Variants in HELZ observed in about 807,000 individuals in gnomAD.
HELZ encodes helicase with zinc finger.
HELZ carries 23 observed loss-of-function variants against 218.2 expected under a neutral mutation model. The ratio of observed to expected loss-of-function variants is 0.11; its 90% CI spans 0.08 to 0.15. The LOEUF (loss-of-function observed/expected upper bound fraction) is 0.15, where lower values mean the gene tolerates loss of function less well. HELZ is among the 10% of genes least tolerant of loss of function. The pLI is 1.00. For missense variants in HELZ, 1,813 were observed against 2,353.7 expected (o/e 0.77, Z 4.75); for synonymous variants, 814 against 829.4 (o/e 0.98, Z 0.32).
Position 67,188,709 on chromosome 17 carries a change from T to A in HELZ, c.865-93A>T. On this transcript the variant is annotated intron_variant, in intron 11 of 32. Transcript: ENST00000358691. The surrounding 1 kb of genome is among the most constrained non-coding windows in gnomAD (Gnocchi z 4.1). ...CAATGAAAATATTTCCATAAGGGAC[T>A]TTTACTTCCCCAAGCTTCTAAGATA... 4 of 987,162 alleles carry A rather than the reference T, an allele frequency of 4.1e-6. No individual in the cohort carries two copies. The South Asian group carries it at 6.8e-5, about 17-fold the overall frequency. 61.2% of individuals were successfully genotyped at this position (987,162 alleles called of 1,614,324 possible).
intron 21 of HELZ, 129 bp from the exon 22 acceptor site, chr17:67,138,243 A>G (rs1436086620): frequency 3.3e-6 from 2 of 600,572 alleles, no homozygotes; most frequent in Admixed American, 3.8e-5. Flanking sequence ...AAAAAAAACT[A>G]CCCCTAAATG....
intron 27 of HELZ, 113 bp downstream of exon 27, chr17:67,120,291 AG>A (rs2037567298): frequency 1.2e-6 from 1 of 827,128 alleles, no homozygotes; most frequent in African/African-American, 1.7e-5. Context: ...TCTCTCAAAG[AG>A]GTCTATAATC....
chr17:67,097,080 T>C (rs1295896712), intron 31 of HELZ, among the ~76,000 whole-genome samples: 2 of 152,210 alleles, frequency 1.3e-5, no homozygotes, highest in African/African-American at 4.8e-5. Context: ...TCAATACTGT[T>C]GTGTCTCAGG....
chr17:67,203,504 A>G (rs1481613755), intron 5 of HELZ, 61 bp from the exon 6 acceptor site: 1 of 1,594,632 alleles, frequency 6.3e-7, no homozygotes, highest in Non-Finnish European at 8.6e-7. Context: ...TTTCTTGATT[A>G]TAGTATTAAC....
upstream of HELZ, chr17:67,245,376 A>C (rs532581431): frequency 3.9e-6 from 3 of 773,514 alleles, no homozygotes; most frequent in South Asian, 1.2e-4. Context: ...GACGGCATTG[A>C]AAATTCACCC....
At position 67,106,497 on chromosome 17, in the gene HELZ, C is replaced by T. The variant is rs147082242; in HGVS notation, c.5241+672G>A. Among the ~76,000 whole-genome samples, 119 of 151,848 alleles carry T rather than the reference C, an allele frequency of 7.8e-4. 1 individual carries two copies. The East Asian group carries it at 0.017, about 21-fold the overall frequency. On this transcript the variant is annotated intron_variant, in intron 31 of 32. Coordinates refer to ENST00000358691, the MANE Select transcript of HELZ (RefSeq NM_014877.4). Reference sequence around the variant, plus strand: ...TAATTTTTTCTATTTTTAGTAGAGACGGGGTTTCACCGTGTTAGCCAGGAT... The same window carrying T: ...TAATTTTTTCTATTTTTAGTAGAGATGGGGTTTCACCGTGTTAGCCAGGAT...
chr17:67,206,658 G>A (rs1274691734), intron 5 of HELZ, among the ~76,000 whole-genome samples: 1 of 151,172 alleles, frequency 6.6e-6, no homozygotes, highest in Non-Finnish European at 1.5e-5. Flanking sequence ...GAGTGGAATG[G>A]CGCGATCTTG....
At chr17:67,209,722 G>C (rs2040403932) in intron 5 of HELZ, among the ~76,000 whole-genome samples, 1 of 145,626 alleles carries the variant, frequency 6.9e-6, no homozygotes, top group Non-Finnish European at 1.5e-5. Context: ...CTCTGGACTG[G>C]CTCTGTGCTC....
chr17:67,193,854 T>C (rs1374484987), intron 9 of HELZ, 113 bp downstream of exon 9: 3 of 741,732 alleles, frequency 4.0e-6, no homozygotes, highest in Non-Finnish European at 6.8e-6. Flanking sequence ...TAATGACCTT[T>C]ATGGCTTCTG....
Position 67,094,707 on chromosome 17 carries a change from T to C in HELZ, c.5242-7626A>G, listed in dbSNP as rs76006764. Among the ~76,000 whole-genome samples the C allele has an allele frequency of 3.0e-3, 462 of 152,296 alleles. 2 individuals carry two copies. The highest frequency in any genetic ancestry group is 0.011 in the African/African-American group (445 of 41,568). ...TGGGAGGCTGAAGAGGGAGGATCATTTGAGCCCATGAGTTTGAGGCTTAAG... is the reference window on the plus strand; with the variant it reads ...TGGGAGGCTGAAGAGGGAGGATCATCTGAGCCCATGAGTTTGAGGCTTAAG... On this transcript the variant is annotated intron_variant, in intron 31 of 32. Transcript: ENST00000358691.
intron 31 of HELZ, among the ~76,000 whole-genome samples, chr17:67,092,821 C>T (rs1033578009): frequency 4.0e-5 from 6 of 150,130 alleles, no homozygotes; most frequent in African/African-American, 1.2e-4. Flanking sequence ...AAGAATTAGC[C>T]GGGAGTGGTG....
chr17:67,086,631 A>AATATATATATAT (rs71139116), intron 32 of HELZ, among the ~76,000 whole-genome samples, 198 bp downstream of exon 32: 3,532 of 92,270 alleles, frequency 0.038, 150 homozygotes, highest in Non-Finnish European at 0.053. Context: ...TATAAATATA[A>AATATATATATAT]ATATATATAT....
chr17:67,201,254 A>C, intron 6 of HELZ, 69 bp from the exon 7 acceptor site: 16 of 959,234 alleles, frequency 1.7e-5, no homozygotes, highest in Non-Finnish European at 2.5e-5. Flanking sequence ...AACTTAGCTC[A>C]ATTCCTCTGT....
At chr17:67,218,330 A>G (rs999945063) in intron 4 of HELZ, among the ~76,000 whole-genome samples, 5 of 152,212 alleles carry the variant, frequency 3.3e-5, no homozygotes, top group African/African-American at 1.2e-4. Context: ...ATCAATATAT[A>G]TAACAAGAAC....
Position 67,236,906 on chromosome 17 carries a change from C to T in HELZ, c.-19+2527G>A, listed in dbSNP as rs2041199140. Among the ~76,000 whole-genome samples the T allele has an allele frequency of 4.6e-5, 7 of 152,308 alleles. No homozygotes were observed. In the South Asian group the frequency reaches 1.4e-3, roughly 32 times the overall value. On this transcript the variant is annotated intron_variant, in intron 3 of 32. Coordinates refer to ENST00000358691, the MANE Select transcript of HELZ (RefSeq NM_014877.4). ...CACTTTGGCCTTGACTGAGTGTTTT[C>T]ATACTCTCCTTGGTCATGATGACCT...
chr17:67,169,265 G>GT (rs1382255312), intron 13 of HELZ, among the ~76,000 whole-genome samples: 1 of 152,056 alleles, frequency 6.6e-6, no homozygotes, highest in Non-Finnish European at 1.5e-5. Context: ...TTGTGTTGCC[G>GT]TAACAGAATA....
chr17:67,120,512 C>A lies in HELZ; in HGVS notation c.3731G>T (p.Gly1244Val). The A allele has an allele frequency of 1.2e-6, 2 of 1,613,840 alleles. No homozygotes were observed. Among genetic ancestry groups the A allele is most frequent in the Non-Finnish European group, 1.7e-6 (2 of 1,179,904 alleles). ...AYNMNLLQTHGRGSPIPYGLG... is the reference protein window; with the variant it reads ...AYNMNLLQTHVRGSPIPYGLG... ...GCCATAAGGAATAGGAGATCCTCGT[C>A]CATGTGTCTGTAATAGGTTCATGTT... is the stretch of plus-strand genomic sequence containing the variant. The change falls in exon 27 of 33, where the codon GGA (glycine) becomes GTA (valine). Residue 1244 changes from glycine to valine, a missense_variant. Gly to Val is a moderately radical substitution (Grantham distance 109, BLOSUM62 -3). Transcript: ENST00000358691.
At chr17:67,105,487 T>A (rs1023991568) in intron 31 of HELZ, among the ~76,000 whole-genome samples, 5 of 152,168 alleles carry the variant, frequency 3.3e-5, no homozygotes, top group African/African-American at 1.2e-4. Flanking sequence ...TTAACAGTTA[T>A]GGGGTTTCTT....
chr17:67,144,264 C>G (rs1316276407), intron 21 of HELZ, among the ~76,000 whole-genome samples: 1 of 152,020 alleles, frequency 6.6e-6, no homozygotes, highest in Non-Finnish European at 1.5e-5. Context: ...CTGAGGTGAA[C>G]AGGGTCAGTC....
Sources: allele counts gnomAD v4.1 joint callset (sites outside exome capture counted in the v4.1 genomes callset), GRCh38; gene constraint gnomAD v4.1.1; non-coding constraint Gnocchi (gnomAD v3.1); transcripts MANE v1.5; gene names NCBI Gene and HGNC (gene_info 2026-07-23, HGNC 2026-07-21).